The following ZMAT4 variants were observed in gnomAD, a reference collection of about 807,000 sequenced individuals.
ZMAT4 encodes the protein zinc finger matrin-type 4.
In ZMAT4, 17 loss-of-function variants were observed where a neutral mutation model predicts 28.7. That is an observed-to-expected ratio of 0.59 (90% CI 0.41 to 0.89). ZMAT4 has a LOEUF of 0.89. Ranked by LOEUF, ZMAT4 falls within the 40% of genes least tolerant of loss-of-function variation. ZMAT4 has a pLI of 0.00. For missense variants in ZMAT4, 240 were observed against 283.8 expected (o/e 0.85, Z 1.11); for synonymous variants, 117 against 109.2 (o/e 1.07, Z -0.44).
chr8:40,845,717 A>AC (rs1816862756), intron 1 of ZMAT4, among the ~76,000 whole-genome samples: 1 of 151,224 alleles, frequency 6.6e-6, no homozygotes, highest in African/African-American at 2.5e-5. Flanking sequence ...AAAAAAAAAA[A>AC]ATTTTTAGAA....
At chr8:40,776,022 GATC>G (rs1389108711) in intron 2 of ZMAT4, among the ~76,000 whole-genome samples, 2 of 152,172 alleles carry the variant, frequency 1.3e-5, no homozygotes, top group Non-Finnish European at 2.9e-5. Flanking sequence ...CTGCCACCTT[GATC>G]ATGGACTTCT....
chr8:40,885,047 C>T (rs571751433), intron 1 of ZMAT4: 1 of 152,232 alleles, frequency 6.6e-6, no homozygotes, highest in African/African-American at 2.4e-5. Context: ...ACACTCACTC[C>T]CTAGGTGATC....
At chr8:40,673,727 T>C (rs1421221118) in intron 5 of ZMAT4, among the ~76,000 whole-genome samples, 4 of 152,196 alleles carry the variant, frequency 2.6e-5, no homozygotes, top group African/African-American at 4.8e-5. Context: ...AAATATTCTA[T>C]TTAGTCCCAC....
intron 1 of ZMAT4, among the ~76,000 whole-genome samples, chr8:40,841,264 A>C (rs1257837324): frequency 6.6e-6 from 1 of 152,092 alleles, no homozygotes. Context: ...TCAGTTTCTG[A>C]TAAGAGCCAG....
At chr8:40,659,568 G>A (rs2118849189) in intron 5 of ZMAT4, among the ~76,000 whole-genome samples, 1 of 152,316 alleles carries the variant, frequency 6.6e-6, no homozygotes, top group East Asian at 1.9e-4. Context: ...GGTAGGGTCA[G>A]TGCATCATTA....
At chr8:40,585,376 C>T (rs1003105584) in intron 5 of ZMAT4, among the ~76,000 whole-genome samples, 1 of 152,054 alleles carries the variant, frequency 6.6e-6, no homozygotes. Context: ...GTGGATGCAT[C>T]CTCCAGTGAT....
intron 5 of ZMAT4, among the ~76,000 whole-genome samples, chr8:40,600,082 A>T (rs1226696637): frequency 1.3e-5 from 2 of 152,052 alleles, no homozygotes. Context: ...TTTCTATCTA[A>T]CCCCACATGC....
intron 3 of ZMAT4, among the ~76,000 whole-genome samples, chr8:40,761,393 G>T (rs1315463589): frequency 2.0e-5 from 3 of 152,016 alleles, no homozygotes; most frequent in East Asian, 1.9e-4. Context: ...CTTCCTCATT[G>T]TTCCCTCTAA....
At chr8:40,593,810 A>C (rs1372139031) in intron 5 of ZMAT4, among the ~76,000 whole-genome samples, 1 of 152,144 alleles carries the variant, frequency 6.6e-6, no homozygotes, top group African/African-American at 2.4e-5. Flanking sequence ...CATACAAGCC[A>C]GCTGTTGGGT....
chr8:40,801,121 T>A (rs1814811155), intron 2 of ZMAT4, among the ~76,000 whole-genome samples: 1 of 151,606 alleles, frequency 6.6e-6, no homozygotes, highest in Admixed American at 6.6e-5. Flanking sequence ...ATAACCTAGA[T>A]GAAATGGGAC....
intron 5 of ZMAT4, among the ~76,000 whole-genome samples, chr8:40,599,570 A>G (rs1005899107): frequency 6.6e-6 from 1 of 152,186 alleles, no homozygotes; most frequent in African/African-American, 2.4e-5. Flanking sequence ...TGGTAAAAAT[A>G]GAGGAACACA....
At chr8:40,896,535 A>G (rs1189062608) in intron 1 of ZMAT4, among the ~76,000 whole-genome samples, 2 of 152,222 alleles carry the variant, frequency 1.3e-5, no homozygotes, top group African/African-American at 2.4e-5. Flanking sequence ...GACCAAGCAC[A>G]TCGCCTGCTT....
chr8:40,752,823 A>G (rs577335436), intron 3 of ZMAT4, among the ~76,000 whole-genome samples: 421 of 151,738 alleles, frequency 2.8e-3, no homozygotes, highest in Admixed American at 7.5e-3. Flanking sequence ...TGCATCTCCC[A>G]TCACTACCTG....
At chr8:40,826,225 T>C (rs1563511093) in intron 1 of ZMAT4, among the ~76,000 whole-genome samples, 1 of 152,246 alleles carries the variant, frequency 6.6e-6, no homozygotes, top group Non-Finnish European at 1.5e-5. Flanking sequence ...AACTTTGATA[T>C]ATCATCACAC....
At chr8:40,652,834 C>CA (rs765792187) in intron 5 of ZMAT4, among the ~76,000 whole-genome samples, 8 of 111,038 alleles carry the variant, frequency 7.2e-5, no homozygotes, top group Non-Finnish European at 1.6e-4. Context: ...ATCACAAGAA[C>CA]AAAAAACCAA....
At chr8:40,707,462 TC>T (rs1339834821) in intron 3 of ZMAT4, among the ~76,000 whole-genome samples, 1 of 152,166 alleles carries the variant, frequency 6.6e-6, no homozygotes, top group Non-Finnish European at 1.5e-5. Flanking sequence ...AAATTCCTCC[TC>T]TGTCACATGG....
chr8:40,630,111 C>G (rs537844698), intron 5 of ZMAT4, among the ~76,000 whole-genome samples: 1 of 152,180 alleles, frequency 6.6e-6, no homozygotes, highest in Non-Finnish European at 1.5e-5. Context: ...GTTCCTCTAC[C>G]TGAAATGTCC....
intron 5 of ZMAT4, among the ~76,000 whole-genome samples, chr8:40,627,954 A>C (rs1200837807): frequency 6.6e-6 from 1 of 152,196 alleles, no homozygotes; most frequent in Admixed American, 6.5e-5. Flanking sequence ...CACCTGCTGC[A>C]AGGGAATGTG....
chr8:40,858,207 G>A (rs1817364503), intron 1 of ZMAT4, among the ~76,000 whole-genome samples: 1 of 152,242 alleles, frequency 6.6e-6, no homozygotes, highest in East Asian at 1.9e-4. Flanking sequence ...AGTGACTCAA[G>A]AGCTCCAACA....
Sources: allele counts gnomAD v4.1 joint callset (sites outside exome capture counted in the v4.1 genomes callset), GRCh38; gene constraint gnomAD v4.1.1; transcripts MANE v1.5; gene names NCBI Gene and HGNC (gene_info 2026-07-23, HGNC 2026-07-21).